Variants in MAML3 observed in about 807,000 individuals in gnomAD.
MAML3 encodes the protein mastermind like transcriptional coactivator 3.
Under a neutral mutation model 101.9 loss-of-function variants are expected in MAML3, and 27 were observed. The ratio of observed to expected loss-of-function variants is 0.27; its 90% CI spans 0.20 to 0.37. The LOEUF is 0.37. Ranked by LOEUF, MAML3 falls within the 10% of genes least tolerant of loss-of-function variation. MAML3 has a pLI of 1.00. For missense variants in MAML3, 1,316 were observed against 1,444.9 expected, an observed-to-expected ratio of 0.91 and a Z score of 1.45; for synonymous variants, 501 against 555.9, an observed-to-expected ratio of 0.90 and a Z score of 1.39.
chr4:139,723,954 C>T (rs970098678), intron 4 of MAML3, among the ~76,000 whole-genome samples: 17 of 152,168 alleles, frequency 1.1e-4, no homozygotes, highest in Non-Finnish European at 2.2e-4. Flanking sequence ...GCTTTCAGTG[C>T]AGGCTAAAGT....
intron 1 of MAML3, among the ~76,000 whole-genome samples, chr4:140,120,991 T>C (rs916572821): frequency 6.6e-6 from 1 of 152,250 alleles, no homozygotes. Flanking sequence ...GACTTAACTT[T>C]AAGCTTCTAA....
intron 1 of MAML3, among the ~76,000 whole-genome samples, chr4:140,069,875 GGAGGCC>G (rs1415040422): frequency 2.6e-5 from 4 of 151,956 alleles, no homozygotes; most frequent in Non-Finnish European, 5.9e-5. Flanking sequence ...CAGCGCTTTG[GGAGGCC>G]GAGGCTGGCG....
chr4:139,728,054 A>G (rs1003795598), intron 3 of MAML3, among the ~76,000 whole-genome samples: 1 of 152,078 alleles, frequency 6.6e-6, no homozygotes, highest in Non-Finnish European at 1.5e-5. Flanking sequence ...CATCTCTACT[A>G]AAATACAAAA....
intron 1 of MAML3, among the ~76,000 whole-genome samples, chr4:140,070,234 T>C (rs2110952222): frequency 6.6e-6 from 1 of 152,338 alleles, no homozygotes; most frequent in South Asian, 2.1e-4. Context: ...GCTTCAATAT[T>C]TCCCACTTAG....
chr4:139,798,034 G>A (rs367617402), intron 2 of MAML3, among the ~76,000 whole-genome samples: 10 of 124,466 alleles, frequency 8.0e-5, no homozygotes, highest in Admixed American at 2.7e-4. Context: ...AGGAGAGAGA[G>A]AGAAAGAAAG....
intron 1 of MAML3, among the ~76,000 whole-genome samples, chr4:139,919,460 T>C (rs2111232632): frequency 6.6e-6 from 1 of 152,318 alleles, no homozygotes; most frequent in East Asian, 1.9e-4. Flanking sequence ...TGTCATAACT[T>C]TTTTATGTAG....
chr4:139,957,098 C>G (rs1320140207), intron 1 of MAML3, among the ~76,000 whole-genome samples: 1 of 152,154 alleles, frequency 6.6e-6, no homozygotes, highest in Non-Finnish European at 1.5e-5. Flanking sequence ...GGAGTTAGGC[C>G]CAGTCTACTT....
chr4:139,894,759 C>A (rs1732576690), intron 1 of MAML3, among the ~76,000 whole-genome samples: 1 of 151,926 alleles, frequency 6.6e-6, no homozygotes, highest in African/African-American at 2.4e-5. Context: ...CATTGTATTA[C>A]ACAGAAACTG....
At chr4:139,995,256 T>C (rs1734785632) in intron 1 of MAML3, among the ~76,000 whole-genome samples, 1 of 152,224 alleles carries the variant, frequency 6.6e-6, no homozygotes. Flanking sequence ...TCCCACCTGA[T>C]CATGGTGCAT....
intron 1 of MAML3, among the ~76,000 whole-genome samples, chr4:139,913,960 C>T (rs776479250): frequency 6.6e-6 from 1 of 152,108 alleles, no homozygotes; most frequent in Non-Finnish European, 1.5e-5. Flanking sequence ...GAGTTGTGAA[C>T]TGCAATTGTA....
intron 1 of MAML3, among the ~76,000 whole-genome samples, chr4:140,091,487 C>T (rs1001436850): frequency 1.8e-4 from 25 of 137,896 alleles, no homozygotes; most frequent in Non-Finnish European, 2.9e-4. Flanking sequence ...TGGTTAGAAC[C>T]CTTTCAACTA....
intron 1 of MAML3, among the ~76,000 whole-genome samples, chr4:140,032,133 T>C (rs1429108051): frequency 1.3e-5 from 2 of 152,216 alleles, no homozygotes; most frequent in Non-Finnish European, 2.9e-5. Flanking sequence ...TAAACAGTAT[T>C]CCTATAGCTC....
Position 139,890,825 on chromosome 4 carries a change from T to C in MAML3, c.611A>G (p.Asn204Ser). 1.2e-6 allele frequency: 2 copies of C among 1,614,044 alleles called. No homozygotes were observed. The highest frequency in any genetic ancestry group is 1.7e-5 in the Admixed American group (1 of 60,028). Residue 204 changes from asparagine (N) to serine (S), a missense_variant, in exon 2 of 5, where the codon AAC becomes AGC. Physicochemically the swap from Asn to Ser is conservative, Grantham distance 46. Transcript: ENST00000509479. This position sits in a 1 kb window ranked among gnomAD's most constrained non-coding sequence, Gnocchi z 4.1. Reference protein sequence around the residue: ...KDISAGMEAINNLPSNMPLPS... With the variant: ...KDISAGMEAISNLPSNMPLPS... ...CAGTGGCATGTTACTGGGCAAATTG[T>C]TGATGGCTTCCATCCCCGCAGAAAT...
At chr4:140,016,962 T>C (rs1510719) in intron 1 of MAML3, among the ~76,000 whole-genome samples, 40,772 of 152,166 alleles carry the variant, frequency 0.27, 6,670 homozygotes, top group Non-Finnish European at 0.37. Flanking sequence ...TGGTAAGTTT[T>C]GTTCTGTGAA....
In MAML3 at chr4:139,887,391, C is replaced by G. The variant is rs911716691; in HGVS notation, c.2079+1966G>C. Among the ~76,000 whole-genome samples, 12 of 152,306 alleles carry G rather than the reference C, an allele frequency of 7.9e-5. No homozygotes were observed. The South Asian group carries it at 1.5e-3, about 18-fold the overall frequency. Reference sequence around the variant, plus strand: ...CATTCTGTCCACACTGAAAATACTTCGTGAGACGAGAGAAGAGAGGAGGAG... The same window carrying G: ...CATTCTGTCCACACTGAAAATACTTGGTGAGACGAGAGAAGAGAGGAGGAG... On this transcript the variant is annotated intron_variant, in intron 2 of 4. Coordinates refer to ENST00000509479, the MANE Select transcript of MAML3 (RefSeq NM_018717.5).
At chr4:140,056,256 C>T (rs1395660555) in intron 1 of MAML3, among the ~76,000 whole-genome samples, 1 of 152,134 alleles carries the variant, frequency 6.6e-6, no homozygotes, top group Non-Finnish European at 1.5e-5. Context: ...TTCCAGTTTC[C>T]CAAGTACTTT....
intron 1 of MAML3, among the ~76,000 whole-genome samples, chr4:139,988,586 C>T (rs965657670): frequency 6.6e-6 from 1 of 152,110 alleles, no homozygotes; most frequent in African/African-American, 2.4e-5. Flanking sequence ...CTGCCATTTA[C>T]AGATCACTTC....
At chr4:139,736,123 C>A (rs1265913375) in intron 2 of MAML3, among the ~76,000 whole-genome samples, 1 of 151,814 alleles carries the variant, frequency 6.6e-6, no homozygotes, top group Non-Finnish European at 1.5e-5. Context: ...CATACACACA[C>A]ACTCACTCAC....
intron 2 of MAML3, among the ~76,000 whole-genome samples, chr4:139,818,837 C>G (rs184442601): frequency 3.9e-5 from 6 of 152,286 alleles, no homozygotes. Flanking sequence ...AGTATCAGTT[C>G]AATTTCAAAT....
Sources: gnomAD v4.1 joint callset for allele counts (sites outside exome capture counted in the v4.1 genomes callset) on GRCh38, gnomAD v4.1.1 for gene constraint, Gnocchi (gnomAD v3.1) non-coding constraint, MANE v1.5 for transcripts, NCBI Gene and HGNC (gene_info 2026-07-23, HGNC 2026-07-21) for gene names.